Variants in AKIRIN2 observed in about 807,000 individuals in gnomAD.
AKIRIN2 encodes the protein akirin-2.
In AKIRIN2, 6 loss-of-function variants were observed where a neutral mutation model predicts 29.3. The ratio of observed to expected loss-of-function variants is 0.20; its 90% CI spans 0.11 to 0.40. AKIRIN2 has a LOEUF of 0.40. Among genes scored for constraint, AKIRIN2 ranks in the 10% least tolerant of loss-of-function variants. AKIRIN2 has a pLI of 1.00. For synonymous variants in AKIRIN2, 128 were observed against 117.5 expected (o/e 1.09, Z -0.58); for missense variants, 210 against 276.1 (o/e 0.76, Z 1.70).
At chr6:87,688,086 A>AGCGCCACT in intron 1 of AKIRIN2, among the ~76,000 whole-genome samples, 1 of 152,120 alleles carries the variant, frequency 6.6e-6, no homozygotes, top group South Asian at 2.1e-4. Flanking sequence ...GAGCTACAAT[A>AGCGCCACT]GCGCCACTGC....
intron 3 of AKIRIN2, 23 bp from the exon 4 acceptor site, chr6:87,675,954 A>G: frequency 6.3e-7 from 1 of 1,591,890 alleles, no homozygotes; most frequent in Non-Finnish European, 8.6e-7. Flanking sequence ...GTACTTGTCA[A>G]TTACATTTGT....
At chr6:87,700,285 A>G (rs955068064) in intron 1 of AKIRIN2, among the ~76,000 whole-genome samples, 1 of 149,782 alleles carries the variant, frequency 6.7e-6, no homozygotes, top group South Asian at 2.1e-4. Flanking sequence ...AAAAAACACT[A>G]AAGTCAGTTT....
At chr6:87,683,688 C>T (rs181964168) in intron 1 of AKIRIN2, among the ~76,000 whole-genome samples, 1 of 152,270 alleles carries the variant, frequency 6.6e-6, no homozygotes, top group East Asian at 1.9e-4. Context: ...GAGTCTTGCT[C>T]TGTCACCCAG....
chr6:87,687,925 G>A (rs1771214248), intron 1 of AKIRIN2, among the ~76,000 whole-genome samples: 1 of 152,160 alleles, frequency 6.6e-6, no homozygotes, highest in South Asian at 2.1e-4. Flanking sequence ...GCCCGGAGTT[G>A]GAGACGAGCC....
At chr6:87,681,212 A>G (rs2787916) in intron 2 of AKIRIN2, among the ~76,000 whole-genome samples, 13,770 of 151,936 alleles carry the variant, frequency 0.091, 679 homozygotes, top group African/African-American at 0.13. Flanking sequence ...TAATTTTTCT[A>G]TTTTCAGTAG....
At chr6:87,682,228 G>A (rs2128301351) in intron 1 of AKIRIN2, among the ~76,000 whole-genome samples, 1 of 152,330 alleles carries the variant, frequency 6.6e-6, no homozygotes, top group Admixed American at 6.5e-5. Context: ...ACAGTCTGAA[G>A]TGATAATAGG....
chr6:87,676,447 C>CAAAAAAA (rs71021319), intron 3 of AKIRIN2, among the ~76,000 whole-genome samples: 1 of 41,916 alleles, frequency 2.4e-5, no homozygotes, highest in Non-Finnish European at 4.3e-5. Context: ...GCCTGGGCAA[C>CAAAAAAA]AAAAAAAAAA....
chr6:87,677,589 G>A (rs1295008377), intron 3 of AKIRIN2, among the ~76,000 whole-genome samples: 1 of 135,756 alleles, frequency 7.4e-6, no homozygotes, highest in Non-Finnish European at 1.6e-5. Context: ...TTAGTACAGG[G>A]TACCTACTAA....
chr6:87,696,280 G>A (rs1021938674), intron 1 of AKIRIN2, among the ~76,000 whole-genome samples: 7 of 152,150 alleles, frequency 4.6e-5, no homozygotes, highest in African/African-American at 1.7e-4. Flanking sequence ...TTACATCTCA[G>A]GTTATGTCTC....
chr6:87,682,919 T>C (rs1771140338), intron 1 of AKIRIN2, among the ~76,000 whole-genome samples: 1 of 152,188 alleles, frequency 6.6e-6, no homozygotes, highest in Non-Finnish European at 1.5e-5. Context: ...AGAGGGACCG[T>C]GTCTTTATGA....
rs1219954427 is a variant in AKIRIN2, at chr6:87,701,456, T to C, written c.229A>G (p.Thr77Ala). ...CCGCGGGGCCGGGTCCCACCTGTGG[T>C]GAGGCGGGAGGAGACGTCGCCGAAG... ...SPFGDVSSRLTTEQILYNIKQ... is the reference protein window; with the variant it reads ...SPFGDVSSRLATEQILYNIKQ... The change falls in exon 1 of 5, where the codon ACC becomes GCC. Residue 77 changes from threonine (T) to alanine (A), a missense_variant. Transcript: ENST00000257787. 1.3e-6 allele frequency: 2 copies of C among 1,528,034 alleles called. No homozygotes were observed. Among genetic ancestry groups the C allele is most frequent in the Non-Finnish European group, 1.8e-6 (2 of 1,139,884 alleles). The allele number at this position is 1,528,034 out of a possible 1,614,324, so 94.7% of individuals were successfully genotyped here.
intron 2 of AKIRIN2, among the ~76,000 whole-genome samples, chr6:87,680,348 C>A (rs1410315938): frequency 1.5e-5 from 2 of 134,200 alleles, no homozygotes; most frequent in African/African-American, 5.7e-5. Flanking sequence ...ATGGCGCGAT[C>A]TCTGCTCACT....
intron 3 of AKIRIN2, 100 bp from the exon 4 acceptor site, chr6:87,676,031 C>G: frequency 1.0e-6 from 1 of 964,966 alleles, no homozygotes; most frequent in South Asian, 1.5e-5. Flanking sequence ...TCTAAGTTGA[C>G]AAAATCACTT....
rs922676176 is a variant in AKIRIN2 at position 87,701,375 on chromosome 6, G to A, written c.235+75C>T. ...CACAGTCCGGCACCCCCACCCCAGG[G>A]GCCGCATCCCACACCCCAGGACCCC... On this transcript the variant is annotated intron_variant, in intron 1 of 4. Transcript: ENST00000257787. 4 of 1,437,494 alleles carry A rather than the reference G, an allele frequency of 2.8e-6. No individual in the cohort carries two copies. In the African/African-American group the frequency reaches 6.0e-5, roughly 22 times the overall value. The allele number at this position is 1,437,494 out of a possible 1,614,324, so 89.0% of individuals were successfully genotyped here. A position where few individuals can be genotyped will look rare whatever the true frequency, so the allele number is the denominator to read the frequency against.
At chr6:87,690,229 C>CA (rs1320330329) in intron 1 of AKIRIN2, among the ~76,000 whole-genome samples, 53 of 145,986 alleles carry the variant, frequency 3.6e-4, no homozygotes, top group South Asian at 4.4e-4. Flanking sequence ...ACCAAAAAAA[C>CA]AAAAAAAACC....
At chr6:87,695,483 T>C (rs1771346024) in intron 1 of AKIRIN2, among the ~76,000 whole-genome samples, 1 of 152,170 alleles carries the variant, frequency 6.6e-6, no homozygotes, top group Non-Finnish European at 1.5e-5. Flanking sequence ...AAATAAATAT[T>C]TTCTCTCATA....
At chr6:87,694,613 G>A (rs1771329634) in intron 1 of AKIRIN2, among the ~76,000 whole-genome samples, 1 of 152,036 alleles carries the variant, frequency 6.6e-6, no homozygotes, top group African/African-American at 2.4e-5. Flanking sequence ...TCCAGAAGTT[G>A]TATTTAATGG....
intron 4 of AKIRIN2, 60 bp from the exon 5 acceptor site, chr6:87,675,667 A>G: frequency 6.3e-7 from 1 of 1,598,292 alleles, no homozygotes; most frequent in Non-Finnish European, 8.6e-7. Context: ...AACGAATACT[A>G]GATCTTGATT....
At chr6:87,684,585 C>A (rs1771161586) in intron 1 of AKIRIN2, among the ~76,000 whole-genome samples, 2 of 152,202 alleles carry the variant, frequency 1.3e-5, no homozygotes, top group Admixed American at 1.3e-4. Flanking sequence ...GCTATTACTA[C>A]ATAGTTTTGC....
Sources: gnomAD v4.1 joint callset for allele counts (sites outside exome capture counted in the v4.1 genomes callset) on GRCh38, gnomAD v4.1.1 for gene constraint, MANE v1.5 for transcripts, NCBI Gene and HGNC (gene_info 2026-07-23, HGNC 2026-07-21) for gene names.